Variants in TOMM20L observed in about 807,000 individuals in gnomAD.
TOMM20L encodes TOMM20-like protein 1.
A neutral mutation model predicts 20.4 loss-of-function variants in TOMM20L; 19 were observed. That is an observed-to-expected ratio of 0.93 (90% CI 0.65 to 1.36). The LOEUF (loss-of-function observed/expected upper bound fraction) is 1.36, where lower values mean the gene tolerates loss of function less well. Ranked by LOEUF, TOMM20L falls within the 40% of genes most tolerant of loss-of-function variation. The pLI, the probability that TOMM20L is intolerant of heterozygous loss-of-function variation, is 0.00. For missense variants in TOMM20L, 218 were observed against 203.7 expected (o/e 1.07, Z -0.43); for synonymous variants, 75 against 79.6 (o/e 0.94, Z 0.30).
intron 3 of TOMM20L, among the ~76,000 whole-genome samples, chr14:58,406,193 G>C (rs1316802951): frequency 6.6e-6 from 1 of 152,156 alleles, no homozygotes; most frequent in Admixed American, 6.5e-5. Context: ...TTTCTGAGTA[G>C]CTGGTATGAT....
chr14:58,414,594 C>T, the TOMM20L span, among the ~76,000 whole-genome samples: 7 of 151,634 alleles, frequency 4.6e-5, no homozygotes, highest in African/African-American at 1.2e-4. Flanking sequence ...AAAAATTAGC[C>T]GGGCATGGTG....
intron 2 of TOMM20L, among the ~76,000 whole-genome samples, chr14:58,400,441 A>C (rs1194009324): frequency 6.6e-6 from 1 of 151,674 alleles, no homozygotes; most frequent in Non-Finnish European, 1.5e-5. Flanking sequence ...AAAAAGAAAA[A>C]AAAAAAAACA....
chr14:58,409,960 G>A (rs1053171690), downstream of TOMM20L, among the ~76,000 whole-genome samples: 3 of 151,390 alleles, frequency 2.0e-5, no homozygotes, highest in African/African-American at 7.3e-5. Context: ...CAACCTCCTG[G>A]GCTTAAGTGA....
intron 2 of TOMM20L, chr14:58,398,663 T>C (rs1473654646): frequency 6.6e-6 from 1 of 151,502 alleles, no homozygotes; most frequent in Non-Finnish European, 1.5e-5. Context: ...ATAAATGATT[T>C]ATATTAATAT....
rs185817476 is a variant in TOMM20L, at chr14:58,407,285, G to C, written c.263-41G>C. The C allele has an allele frequency of 1.5e-4, 233 of 1,555,302 alleles. 2 individuals are homozygous for C. The East Asian group carries it at 4.2e-3, about 28-fold the overall frequency. ...GGATTTGTAGAATGTCTGTTTTAAA[G>C]AACTTCAAAATTTTGCTCAAAACTT... On this transcript the variant is annotated intron_variant, in intron 3 of 4. Coordinates refer to ENST00000360945, the MANE Select transcript of TOMM20L (RefSeq NM_207377.3).
chr14:58,409,107 C>G, downstream of TOMM20L: 1 of 1,613,880 alleles, frequency 6.2e-7, no homozygotes, highest in Non-Finnish European at 8.5e-7. Context: ...TTCCTGAAAT[C>G]TCATGGATAT....
At chr14:58,414,736 C>CAAAAAAAAAAAAA in the TOMM20L span, among the ~76,000 whole-genome samples, 1 of 117,558 alleles carries the variant, frequency 8.5e-6, no homozygotes, top group African/African-American at 3.3e-5. Flanking sequence ...GACGCCATCT[C>CAAAAAAAAAAAAA]AAAAAAAAAA....
At chr14:58,409,921 G>C (rs2036159082), downstream of TOMM20L, among the ~76,000 whole-genome samples, 1 of 151,998 alleles carries the variant, frequency 6.6e-6, no homozygotes, top group African/African-American at 2.4e-5. Flanking sequence ...CTGTTGCCCA[G>C]GGTGGAGTGC....
intron 3 of TOMM20L, among the ~76,000 whole-genome samples, chr14:58,403,843 T>TTAAATAAA (rs1045320144): frequency 6.6e-6 from 1 of 150,678 alleles, no homozygotes; most frequent in Non-Finnish European, 1.5e-5. Context: ...GGCTCAAAAA[T>TTAAATAAA]TAAATAAATA....
At chr14:58,404,396 T>G (rs577300934) in intron 3 of TOMM20L, among the ~76,000 whole-genome samples, 1 of 151,390 alleles carries the variant, frequency 6.6e-6, no homozygotes, top group South Asian at 2.1e-4. Context: ...CCCAAAGTGC[T>G]GGGATTACAG....
intron 4 of TOMM20L, 109 bp downstream of exon 4, chr14:58,407,577 A>G (rs1395720122): frequency 1.6e-6 from 2 of 1,246,172 alleles, no homozygotes; most frequent in Non-Finnish European, 2.1e-6. Context: ...AAAATCTTAA[A>G]TAAGTGAAAT....
At chr14:58,405,100 C>G (rs2140304569) in intron 3 of TOMM20L, among the ~76,000 whole-genome samples, 1 of 152,138 alleles carries the variant, frequency 6.6e-6, no homozygotes, top group African/African-American at 2.4e-5. Context: ...TCCTAAGTAG[C>G]TGGGATTACA....
chr14:58,405,710 T>A (rs2036048751), intron 3 of TOMM20L, among the ~76,000 whole-genome samples: 1 of 152,158 alleles, frequency 6.6e-6, no homozygotes, highest in Admixed American at 6.5e-5. Context: ...TTTTGCCATG[T>A]TGGCCAGGCT....
At chr14:58,412,005 T>G, downstream of TOMM20L, 1 of 1,510,730 alleles carries the variant, frequency 6.6e-7, no homozygotes, top group South Asian at 1.1e-5. Context: ...TTTGTCAATC[T>G]ATAAACAAAT....
chr14:58,397,979 G>T (rs2035948610), intron 2 of TOMM20L, among the ~76,000 whole-genome samples: 1 of 152,124 alleles, frequency 6.6e-6, no homozygotes, highest in African/African-American at 2.4e-5. Flanking sequence ...AGTTCATGCC[G>T]ACTGAGTAAA....
Position 58,407,420 on chromosome 14 carries a change from T to TC in TOMM20L, c.360dup (p.Lys121GlnfsTer4), listed in dbSNP as rs2036077014. On this transcript the variant is annotated frameshift_variant, in exon 4 of 5. Transcript: ENST00000360945. LOFTEE classifies it high-confidence loss of function. ...TGAAAGTTTTCAAACACACTCTCCCTCCCAAGGTATTTGAGATGCTGTTGC... is the reference window on the plus strand; with the variant it reads ...TGAAAGTTTTCAAACACACTCTCCCTCCCCAAGGTATTTGAGATGCTGTTGC... The TC allele has an allele frequency of 6.2e-7, 1 of 1,613,824 alleles. No individual in the cohort carries two copies. The highest frequency in any genetic ancestry group is 1.7e-5 in the Admixed American group (1 of 59,904).
chr14:58,417,013 C>A, the TOMM20L span, among the ~76,000 whole-genome samples: 1 of 152,080 alleles, frequency 6.6e-6, no homozygotes, highest in Admixed American at 6.6e-5. Flanking sequence ...ATCATGGGGG[C>A]AAGTCTTTCC....
At chr14:58,404,204 A>C (rs2036030140) in intron 3 of TOMM20L, among the ~76,000 whole-genome samples, 1 of 118,992 alleles carries the variant, frequency 8.4e-6, no homozygotes, top group Non-Finnish European at 1.7e-5. Context: ...ATCTCGGCTC[A>C]CTGCAAGCTC....
Position 58,396,479 on chromosome 14 carries a change from G to A in TOMM20L, c.180+138G>A, listed in dbSNP as rs528067007. ...TGCCCGGGAAGAGGCCTGCCCTCGC[G>A]CGCCACGCACCGCCTCAGGCCCAGT... On this transcript the variant is annotated intron_variant, in intron 2 of 4. Coordinates refer to ENST00000360945, the MANE Select transcript of TOMM20L (RefSeq NM_207377.3). The A allele has an allele frequency of 4.5e-6, 4 of 883,262 alleles. No individual in the cohort carries two copies. The East Asian group carries it at 1.1e-4, about 24-fold the overall frequency. The allele number at this position is 883,262 out of a possible 1,614,324, so 54.7% of individuals were successfully genotyped here.
Sources: gnomAD v4.1 joint callset for allele counts (sites outside exome capture counted in the v4.1 genomes callset) on GRCh38, gnomAD v4.1.1 for gene constraint, MANE v1.5 for transcripts, NCBI Gene and HGNC (gene_info 2026-07-23, HGNC 2026-07-21) for gene names.